FREM3: variants seen among roughly 807,000 people sequenced by gnomAD.
The protein encoded by FREM3 is FRAS1-related extracellular matrix protein 3.
A neutral mutation model predicts 129.1 loss-of-function variants in FREM3; 105 were observed. The ratio of observed to expected loss-of-function variants is 0.81; its 90% CI spans 0.69 to 0.96. The LOEUF (loss-of-function observed/expected upper bound fraction) is 0.96. Ranked by LOEUF, FREM3 falls within the 40% of genes least tolerant of loss-of-function variation. FREM3 has a pLI of 0.00. For synonymous variants in FREM3, 1,014 were observed against 1,044.9 expected, an observed-to-expected ratio of 0.97 and a Z score of 0.57; for missense variants, 2,593 against 2,666.3, an observed-to-expected ratio of 0.97 and a Z score of 0.61.
At position 143,624,303 on chromosome 4, in the gene FREM3, T is replaced by C. The variant is rs1407447617; in HGVS notation, c.5458A>G (p.Lys1820Glu). ...GTKDETAKKDKDFKWKTNKQI... is the reference protein window; with the variant it reads ...GTKDETAKKDEDFKWKTNKQI... ...TTATTGGTCTTCCATTTGAAATCTTTGTCTTTTTTTGCAGTTTCATCTTTG... is the reference window on the plus strand; with the variant it reads ...TTATTGGTCTTCCATTTGAAATCTTCGTCTTTTTTTGCAGTTTCATCTTTG... The change falls in exon 4 of 8, where the codon AAA becomes GAA. Residue 1820 changes from lysine (K) to glutamate (E), a missense_variant. Transcript: ENST00000329798. 6.5e-7 allele frequency: 1 copy of C among 1,536,990 alleles called. No homozygotes were observed. Among genetic ancestry groups the C allele is most frequent in the Admixed American group, 2.0e-5 (1 of 50,994 alleles).
At chr4:143,690,538 C>A (rs975358646) in intron 2 of FREM3, among the ~76,000 whole-genome samples, 1 of 152,140 alleles carries the variant, frequency 6.6e-6, no homozygotes, top group African/African-American at 2.4e-5. Context: ...ACAACAACAT[C>A]TCCTTCAGCC....
At chr4:143,620,024 T>C (rs1442118410) in intron 5 of FREM3, among the ~76,000 whole-genome samples, 3 of 152,100 alleles carry the variant, frequency 2.0e-5, no homozygotes, top group African/African-American at 7.2e-5. Context: ...AAAAGAGAAC[T>C]CTGACCCACA....
chr4:143,699,272 C>T lies in FREM3; in HGVS notation c.1404G>A (p.Val468=), dbSNP rs1740644070. ...TCAAGCCCCTGACTGCAGCCATTTT[C>T]ACCTCTTCCAGGTTATCTTTATCAC... ...PISDKDNLEE[V]KMAAVRGLRH... The change falls in exon 1 of 8, where the codon GTG becomes GTA. Residue 468 remains valine, a synonymous_variant. Coordinates refer to ENST00000329798, the MANE Select transcript of FREM3 (RefSeq NM_001168235.2). The surrounding 1 kb of genome is among the most constrained non-coding windows in gnomAD (Gnocchi z 4.2). 1 of 1,537,188 alleles carries T rather than the reference C, an allele frequency of 6.5e-7. No individual in the cohort carries two copies. The highest frequency in any genetic ancestry group is 8.7e-7 in the Non-Finnish European group (1 of 1,146,936).
At chr4:143,690,410 A>G (rs1033775941) in intron 2 of FREM3, among the ~76,000 whole-genome samples, 1 of 152,148 alleles carries the variant, frequency 6.6e-6, no homozygotes, top group African/African-American at 2.4e-5. Context: ...CAGCATTTCC[A>G]TTCTTAAGGC....
At chr4:143,673,444 C>T (rs1316894320) in intron 2 of FREM3, among the ~76,000 whole-genome samples, 2 of 152,174 alleles carry the variant, frequency 1.3e-5, no homozygotes, top group South Asian at 4.1e-4. Context: ...TCTGATTGTT[C>T]CTCTGGAAGT....
intron 6 of FREM3, among the ~76,000 whole-genome samples, chr4:143,608,325 G>C (rs13120490): frequency 0.45 from 68,445 of 151,980 alleles, 15,803 homozygotes; most frequent in African/African-American, 0.53. Context: ...TTAAGAAGCT[G>C]TCTCATTCTT....
In FREM3 at chr4:143,667,341, A is replaced by G. The variant is rs527839860; in HGVS notation, c.5275+25772T>C. Among the ~76,000 whole-genome samples, 11 of 152,298 alleles carry G rather than the reference A, an allele frequency of 7.2e-5. No individual in the cohort carries two copies. In the East Asian group the frequency reaches 7.7e-4, roughly 11 times the overall value. On this transcript the variant is annotated intron_variant, in intron 2 of 7. Coordinates refer to ENST00000329798, the MANE Select transcript of FREM3 (RefSeq NM_001168235.2). ...GATTTGTCTTTTCTCTCTTTAATTT[A>G]TCTGCATAAATAATTTTGCCAACTG...
chr4:143,583,706 A>G (rs1223070445), intron 7 of FREM3, among the ~76,000 whole-genome samples: 1 of 152,136 alleles, frequency 6.6e-6, no homozygotes, highest in Non-Finnish European at 1.5e-5. Flanking sequence ...ATCCAGCCAA[A>G]CTAAGCTTCA....
chr4:143,693,191 C>A lies in FREM3; in HGVS notation c.5197G>T (p.Glu1733Ter). ...TTCAAGACATAGGATATCTTCATCTCATCAATGTCAGCTAAAAAAAAAGCA... is the reference window on the plus strand; with the variant it reads ...TTCAAGACATAGGATATCTTCATCTAATCAATGTCAGCTAAAAAAAAAGCA... Reference protein sequence around the residue: ...TRVFTQADIDEMKISYVLNEG... With the variant: ...TRVFTQADID The change falls in exon 2 of 8, where the codon GAG becomes TAG. Residue 1733 changes from glutamate (E) to a stop codon, truncating the protein, a stop_gained. Coordinates refer to ENST00000329798, the MANE Select transcript of FREM3 (RefSeq NM_001168235.2). LOFTEE classifies it high-confidence loss of function. The A allele has an allele frequency of 6.7e-7, 1 of 1,491,004 alleles. No individual in the cohort carries two copies. Among genetic ancestry groups the A allele is most frequent in the Non-Finnish European group, 8.9e-7 (1 of 1,119,732 alleles). 92.4% of individuals were successfully genotyped at this position (1,491,004 alleles called of 1,614,324 possible).
chr4:143,687,394 C>T (rs911733692), intron 2 of FREM3, among the ~76,000 whole-genome samples: 1 of 152,034 alleles, frequency 6.6e-6, no homozygotes, highest in Non-Finnish European at 1.5e-5. Context: ...ACAAAAAATC[C>T]AGGACCAGAT....
At chr4:143,624,427 T>A (rs1293402741) in intron 3 of FREM3, 89 bp from the exon 4 acceptor site, 2 of 728,716 alleles carry the variant, frequency 2.7e-6, no homozygotes, top group Non-Finnish European at 4.5e-6. Flanking sequence ...TTAACAAAAG[T>A]AGATAACATA....
intron 6 of FREM3, among the ~76,000 whole-genome samples, chr4:143,588,115 G>A (rs1356593589): frequency 2.0e-5 from 3 of 152,134 alleles, no homozygotes; most frequent in African/African-American, 7.2e-5. Context: ...AGTTCATTGT[G>A]TTCTCCACAT....
At chr4:143,672,024 T>C (rs1740006364) in intron 2 of FREM3, among the ~76,000 whole-genome samples, 1 of 152,198 alleles carries the variant, frequency 6.6e-6, no homozygotes, top group Non-Finnish European at 1.5e-5. Context: ...GTTGTCAAGG[T>C]TCCCCTCTCT....
chr4:143,670,765 T>G (rs983938939), intron 2 of FREM3, among the ~76,000 whole-genome samples: 7 of 152,186 alleles, frequency 4.6e-5, no homozygotes, highest in African/African-American at 1.7e-4. Context: ...AAATAGTTTT[T>G]GATTAGCCAG....
At chr4:143,687,119 G>T (rs1740384592) in intron 2 of FREM3, among the ~76,000 whole-genome samples, 2 of 152,018 alleles carry the variant, frequency 1.3e-5, no homozygotes, top group South Asian at 4.2e-4. Flanking sequence ...ATCAAGAAAA[G>T]TAGAGAGAAA....
Position 143,699,183 on chromosome 4 carries a change from A to G in FREM3, c.1493T>C (p.Leu498Pro), listed in dbSNP as rs768824593. 2 of 1,537,240 alleles carry G rather than the reference A, an allele frequency of 1.3e-6. No homozygotes were observed. Among genetic ancestry groups the G allele is most frequent in the Non-Finnish European group, 1.7e-6 (2 of 1,146,944 alleles). The change falls in exon 1 of 8, where the codon CTG (leucine) becomes CCG (proline). Residue 498 changes from leucine (L) to proline (P), a missense_variant. Coordinates refer to ENST00000329798, the MANE Select transcript of FREM3 (RefSeq NM_001168235.2). The surrounding 1 kb of genome is among the most constrained non-coding windows in gnomAD (Gnocchi z 4.2). ...AGCKYFTPAD[L>P]AAGRVVYQHD... ...CTGATACACCACTCGCCCTGCTGCC[A>G]GGTCCGCTGGTGTGAAATACTTGCA...
chr4:143,588,114 T>A (rs1204230208), intron 6 of FREM3, among the ~76,000 whole-genome samples: 1 of 152,220 alleles, frequency 6.6e-6, no homozygotes, highest in Non-Finnish European at 1.5e-5. Flanking sequence ...CAGTTCATTG[T>A]GTTCTCCACA....
intron 6 of FREM3, among the ~76,000 whole-genome samples, chr4:143,607,850 G>T (rs1738692440): frequency 6.6e-6 from 1 of 152,126 alleles, no homozygotes; most frequent in Non-Finnish European, 1.5e-5. Flanking sequence ...CTACAAGTCA[G>T]AAGTCTAACT....
At chr4:143,578,286 C>G (rs1738074680) in intron 7 of FREM3, among the ~76,000 whole-genome samples, 1 of 152,188 alleles carries the variant, frequency 6.6e-6, no homozygotes, top group Non-Finnish European at 1.5e-5. Flanking sequence ...TCACAACACT[C>G]TGCTCAATTT....
Sources: allele counts gnomAD v4.1 joint callset (sites outside exome capture counted in the v4.1 genomes callset), GRCh38; gene constraint gnomAD v4.1.1; non-coding constraint Gnocchi (gnomAD v3.1); transcripts MANE v1.5; gene names NCBI Gene and HGNC (gene_info 2026-07-23, HGNC 2026-07-21).